Variants in TAFA4 observed in about 807,000 individuals in gnomAD.
The protein encoded by TAFA4 is chemokine-like protein TAFA-4.
A neutral mutation model predicts 21.1 loss-of-function variants in TAFA4; 20 were observed. The ratio of observed to expected loss-of-function variants is 0.95; its 90% CI spans 0.67 to 1.38. TAFA4 has a LOEUF of 1.38. Among genes scored for constraint, TAFA4 ranks in the 40% most tolerant of loss-of-function variants. The pLI is 0.00. For missense variants in TAFA4, 211 were observed against 180.9 expected (o/e 1.17, Z -0.95); for synonymous variants, 71 against 67.4 (o/e 1.05, Z -0.26).
chr3:68,864,603 G>A (rs2089392722), intron 3 of TAFA4, among the ~76,000 whole-genome samples: 1 of 152,022 alleles, frequency 6.6e-6, no homozygotes, highest in Non-Finnish European at 1.5e-5. Context: ...AGTTACCAAA[G>A]AAAAATGAAA....
chr3:68,870,206 C>A (rs947843759), intron 3 of TAFA4, among the ~76,000 whole-genome samples: 3 of 151,860 alleles, frequency 2.0e-5, no homozygotes, highest in Non-Finnish European at 2.9e-5. Context: ...GAAGAAGACA[C>A]ACAAAAAAAG....
intron 1 of TAFA4, among the ~76,000 whole-genome samples, chr3:68,896,379 G>A (rs1221153178): frequency 1.3e-5 from 2 of 152,152 alleles, no homozygotes; most frequent in Non-Finnish European, 2.9e-5. Flanking sequence ...AAGAGATGGT[G>A]ATGGCTTGGA....
chr3:68,820,381 G>T (rs932009707), intron 3 of TAFA4, among the ~76,000 whole-genome samples: 1 of 152,070 alleles, frequency 6.6e-6, no homozygotes, highest in Non-Finnish European at 1.5e-5. Flanking sequence ...ATATATTACA[G>T]ACTTAAAAAT....
At chr3:68,735,628 G>T (rs1389361598) in intron 5 of TAFA4, among the ~76,000 whole-genome samples, 1 of 151,906 alleles carries the variant, frequency 6.6e-6, no homozygotes, top group Non-Finnish European at 1.5e-5. Context: ...ATGGCCTAAG[G>T]GACAGGCAGA....
chr3:68,841,708 CCT>C (rs1237190364), intron 3 of TAFA4, among the ~76,000 whole-genome samples: 1 of 152,180 alleles, frequency 6.6e-6, no homozygotes, highest in African/African-American at 2.4e-5. Context: ...CCCCCAACCC[CCT>C]GACAGGCCCT....
chr3:68,771,221 C>A (rs1180708079), intron 3 of TAFA4, among the ~76,000 whole-genome samples: 1 of 152,198 alleles, frequency 6.6e-6, no homozygotes, highest in African/African-American at 2.4e-5. Context: ...TACACTAGGG[C>A]AAGAACCCCG....
intron 3 of TAFA4, among the ~76,000 whole-genome samples, chr3:68,830,150 A>G (rs1471369835): frequency 1.3e-5 from 2 of 152,068 alleles, no homozygotes; most frequent in Non-Finnish European, 2.9e-5. Flanking sequence ...TCCTGGATTC[A>G]TTGATTATTT....
In TAFA4 at chr3:68,739,197, A is replaced by T. The variant is rs1487493463; in HGVS notation, c.289T>A (p.Ser97Thr). 1 of 1,613,206 alleles carries T rather than the reference A, an allele frequency of 6.2e-7. No homozygotes were observed. Among genetic ancestry groups the T allele is most frequent in the East Asian group, 2.2e-5 (1 of 44,872 alleles). ...CACCACCATTTCTGAATCACAATGG[A>T]AGCTGGAAAACAAAGGCCAAATAAT... ...TRAQPSCVEASIVIQKWWCHM... is the reference protein window; with the variant it reads ...TRAQPSCVEATIVIQKWWCHM... The change falls in exon 5 of 6, where the codon TCC becomes ACC. Residue 97 changes from serine to threonine, a missense_variant and splice_region_variant. Coordinates refer to ENST00000295569, the MANE Select transcript of TAFA4 (RefSeq NM_182522.5).
chr3:68,844,001 G>C (rs1007984744), intron 3 of TAFA4, among the ~76,000 whole-genome samples: 1 of 152,150 alleles, frequency 6.6e-6, no homozygotes, highest in Non-Finnish European at 1.5e-5. Flanking sequence ...GTCTCTGCCA[G>C]GTTTTGGTAT....
chr3:68,785,299 G>A (rs991790953), intron 3 of TAFA4, among the ~76,000 whole-genome samples: 32 of 152,330 alleles, frequency 2.1e-4, no homozygotes, highest in South Asian at 8.3e-4. Flanking sequence ...TGCCAGTCCC[G>A]CACCATGCGC....
At chr3:68,888,525 T>C (rs2089697348) in intron 1 of TAFA4, among the ~76,000 whole-genome samples, 2 of 152,332 alleles carry the variant, frequency 1.3e-5, no homozygotes. Context: ...GTATTTGTTA[T>C]AGCAATAACG....
intron 3 of TAFA4, among the ~76,000 whole-genome samples, chr3:68,793,766 TA>T (rs1457870573): frequency 1.2e-4 from 19 of 152,202 alleles, no homozygotes; most frequent in African/African-American, 4.6e-4. Context: ...ATTCACCCTG[TA>T]ACAATGAATC....
chr3:68,832,003 T>C lies in TAFA4; in HGVS notation c.130+48727A>G, dbSNP rs192239110. On this transcript the variant is annotated intron_variant, in intron 3 of 5. Coordinates refer to ENST00000295569, the MANE Select transcript of TAFA4 (RefSeq NM_182522.5). ...GAAGCTTGTGTATGCTTCACGAAGC[T>C]CTCGTACTGTGGTTTTCACCTCCAT... Among the ~76,000 whole-genome samples, 27 of 152,326 alleles carry C rather than the reference T, an allele frequency of 1.8e-4. 1 individual carries two copies. Among genetic ancestry groups the C allele is most frequent in the African/African-American group, 6.3e-4 (26 of 41,572 alleles).
chr3:68,846,847 A>G (rs1360041990), intron 3 of TAFA4, among the ~76,000 whole-genome samples: 3 of 152,134 alleles, frequency 2.0e-5, no homozygotes, highest in Admixed American at 1.3e-4. Flanking sequence ...TCACCAGTGG[A>G]GGCTGCAGAA....
intron 3 of TAFA4, among the ~76,000 whole-genome samples, chr3:68,821,833 T>C: frequency 6.6e-6 from 1 of 152,174 alleles, no homozygotes; most frequent in East Asian, 1.9e-4. Context: ...TGAGAAAATA[T>C]TGACATATTT....
At chr3:68,923,472 AT>A (rs2090078919) in intron 1 of TAFA4, among the ~76,000 whole-genome samples, 1 of 152,120 alleles carries the variant, frequency 6.6e-6, no homozygotes, top group African/African-American at 2.4e-5. Flanking sequence ...TTATTTCCTC[AT>A]ATTGTCTCAA....
At chr3:68,846,915 C>A (rs1289585294) in intron 3 of TAFA4, among the ~76,000 whole-genome samples, 1 of 121,898 alleles carries the variant, frequency 8.2e-6, no homozygotes, top group Non-Finnish European at 1.8e-5. Context: ...GGGGCACTCA[C>A]CAGATGCCAG....
intron 3 of TAFA4, among the ~76,000 whole-genome samples, chr3:68,784,523 G>A (rs1342180388): frequency 1.3e-5 from 2 of 152,048 alleles, no homozygotes; most frequent in African/African-American, 4.8e-5. Context: ...TGCCTCTGGA[G>A]TTCTTCGTTC....
At chr3:68,918,836 C>T (rs913494744) in intron 1 of TAFA4, among the ~76,000 whole-genome samples, 1 of 152,240 alleles carries the variant, frequency 6.6e-6, no homozygotes, top group African/African-American at 2.4e-5. Context: ...CCACCATGCC[C>T]AGCCTCTTCC....
Sources: allele counts gnomAD v4.1 joint callset (sites outside exome capture counted in the v4.1 genomes callset), GRCh38; gene constraint gnomAD v4.1.1; transcripts MANE v1.5; gene names NCBI Gene and HGNC (gene_info 2026-07-23, HGNC 2026-07-21).